The following SF3B4 variants were observed in gnomAD, a reference collection of about 807,000 sequenced individuals.
SF3B4 encodes the protein splicing factor 3b subunit 4.
In SF3B4, 3 loss-of-function variants were observed where a neutral mutation model predicts 34.3. The observed-to-expected ratio is 0.09, with a 90% confidence interval of 0.04 to 0.23. The LOEUF is 0.23. Ranked by LOEUF, SF3B4 falls within the 10% of genes least tolerant of loss-of-function variation. SF3B4 has a pLI of 1.00. For synonymous variants in SF3B4, 216 were observed against 207.8 expected (o/e 1.04, Z -0.34); for missense variants, 283 against 567.2 (o/e 0.50, Z 5.09).
At chr1:149,925,244 T>C (rs782474374) in intron 4 of SF3B4, among the ~76,000 whole-genome samples, 12 of 152,150 alleles carry the variant, frequency 7.9e-5, no homozygotes, top group Admixed American at 1.3e-4. Flanking sequence ...AATGACGCTA[T>C]CTATTAAGCA....
At position 149,926,666 on chromosome 1, in the gene SF3B4, C is replaced by A; in HGVS notation, c.416G>T (p.Gly139Val). 1 of 1,614,150 alleles carries A rather than the reference C, an allele frequency of 6.2e-7. No individual in the cohort carries two copies. The highest frequency in any genetic ancestry group is 8.5e-7 in the Non-Finnish European group (1 of 1,180,000). ...AATAAAGGCATAACCTTTGGAGTTGCCTGTGTCAGGGTCCCGCATAATTTT... is the reference window on the plus strand; with the variant it reads ...AATAAAGGCATAACCTTTGGAGTTGACTGTGTCAGGGTCCCGCATAATTTT... Reference protein sequence around the residue: ...TPKIMRDPDTGNSKGYAFINF... With the variant: ...TPKIMRDPDTVNSKGYAFINF... The change falls in exon 3 of 6, where the codon GGC becomes GTC. Residue 139 changes from glycine (G) to valine (V), a missense_variant. Physicochemically the swap from Gly to Val is moderately radical, Grantham distance 109. This residue lies in a region of SF3B4 where 35 missense variants were observed against 111.9 expected (regional missense o/e 0.31). Coordinates refer to ENST00000271628, the MANE Select transcript of SF3B4 (RefSeq NM_005850.5). The surrounding 1 kb of genome is among the most constrained non-coding windows in gnomAD (Gnocchi z 6.2).
chr1:149,925,487 G>A (rs1353184010), intron 4 of SF3B4, among the ~76,000 whole-genome samples: 1 of 151,858 alleles, frequency 6.6e-6, no homozygotes, highest in African/African-American at 2.4e-5. Context: ...TCAAACAGGA[G>A]GACACAACTA....
chr1:149,926,113 A>G lies in SF3B4; in HGVS notation c.707-71T>C, dbSNP rs1417878248. 2.5e-6 allele frequency: 2 copies of G among 786,576 alleles called. No individual in the cohort carries two copies. The highest frequency in any genetic ancestry group is 4.0e-6 in the Non-Finnish European group (2 of 496,980). 48.7% of individuals were successfully genotyped at this position (786,576 alleles called of 1,614,324 possible). On this transcript the variant is annotated intron_variant, in intron 3 of 5. Coordinates refer to ENST00000271628, the MANE Select transcript of SF3B4 (RefSeq NM_005850.5). This position sits in a 1 kb window ranked among gnomAD's most constrained non-coding sequence, Gnocchi z 6.2. The stretch of plus-strand genomic sequence containing the variant: ...AAATGTCTTTAAAGAGCCTGTCCTG[A>G]TCTGGCCTCTCCAGGCAGGGTGAGC...
chr1:149,925,793 T>C lies in SF3B4; in HGVS notation c.913+43A>G, dbSNP rs587696550. ...GCAGGGTGAGTGGTAACAGAGATGCTCTACCAAGCTCTTCCCTCCCTTTCC... is the reference window on the plus strand; with the variant it reads ...GCAGGGTGAGTGGTAACAGAGATGCCCTACCAAGCTCTTCCCTCCCTTTCC... On this transcript the variant is annotated intron_variant, in intron 4 of 5. Coordinates refer to ENST00000271628, the MANE Select transcript of SF3B4 (RefSeq NM_005850.5). The C allele has an allele frequency of 7.5e-6, 11 of 1,463,524 alleles. 1 individual carries two copies. In the South Asian group the frequency reaches 1.1e-4, roughly 15 times the overall value. The allele number at this position is 1,463,524 out of a possible 1,614,324, so 90.7% of individuals were successfully genotyped here. A position where few individuals can be genotyped will look rare whatever the true frequency, so the allele number is the denominator to read the frequency against.
rs2092587188 is a variant in SF3B4, at chr1:149,925,924, G to A, written c.825C>T (p.Pro275=). The part of the protein sequence containing the change: ...PMPPGAAGHG[P]PSAGTPGAGH... ...CTGCCCCTGGGGTTCCTGCCGATGG[G>A]GGGCCATGTCCTGCAGCCCCAGGAG... is the stretch of plus-strand genomic sequence containing the variant. Residue 275 remains proline (P), a synonymous_variant, in exon 4 of 6, where the codon CCC becomes CCT. Transcript: ENST00000271628. 16 of 1,582,236 alleles carry A rather than the reference G, an allele frequency of 1.0e-5. No homozygotes were observed. Among genetic ancestry groups the A allele is most frequent in the Non-Finnish European group, 1.4e-5 (16 of 1,161,626 alleles).
Position 149,926,094 on chromosome 1 carries a change from CTT to C in SF3B4, c.707-54_707-53del. On this transcript the variant is annotated intron_variant, in intron 3 of 5. Coordinates refer to ENST00000271628, the MANE Select transcript of SF3B4 (RefSeq NM_005850.5). The surrounding 1 kb of genome is among the most constrained non-coding windows in gnomAD (Gnocchi z 6.2). ...GTTAATGGTAGTGAGGAGAAAATGT[CTT>C]TAAAGAGCCTGTCCTGATCTGGCCT... 1.1e-6 allele frequency: 1 copy of C among 917,878 alleles called. No individual in the cohort carries two copies. The highest frequency in any genetic ancestry group is 1.6e-6 in the Non-Finnish European group (1 of 611,792). The allele number at this position is 917,878 out of a possible 1,614,324, so 56.9% of individuals were successfully genotyped here.
At position 149,923,491 on chromosome 1, in the gene SF3B4, G is replaced by A. The variant is rs1427861845; in HGVS notation, c.*51C>T. On this transcript the variant is annotated 3_prime_UTR_variant, in exon 6 of 6. Transcript: ENST00000271628. ...GCTACAGCATCTCTGATTGGTCCAAGGAATAGAAAAGATATTGGGAAAATG... is the reference window on the plus strand; with the variant it reads ...GCTACAGCATCTCTGATTGGTCCAAAGAATAGAAAAGATATTGGGAAAATG... 3.5e-6 allele frequency: 5 copies of A among 1,446,510 alleles called. No individual in the cohort carries two copies. The Admixed American group carries it at 6.9e-5, about 20-fold the overall frequency. The allele number at this position is 1,446,510 out of a possible 1,614,324, so 89.6% of individuals were successfully genotyped here.
At chr1:149,925,191 A>G (rs1294114464) in intron 4 of SF3B4, among the ~76,000 whole-genome samples, 11 of 152,060 alleles carry the variant, frequency 7.2e-5, no homozygotes, top group Admixed American at 2.0e-4. Context: ...CTGAAAAAAA[A>G]GAACACTAGA....
chr1:149,927,555 A>G, intron 1 of SF3B4, 171 bp downstream of exon 1: 1 of 854,544 alleles, frequency 1.2e-6, no homozygotes, highest in East Asian at 2.7e-5. Flanking sequence ...TATCACACCC[A>G]GAGGCCTCAG....
At chr1:149,925,213 T>C (rs759095876) in intron 4 of SF3B4, among the ~76,000 whole-genome samples, 4 of 151,170 alleles carry the variant, frequency 2.6e-5, no homozygotes, top group Admixed American at 2.0e-4. Flanking sequence ...GAAGAATGGA[T>C]TTGAAGGAGA....
Position 149,923,908 on chromosome 1 carries a change from T to C in SF3B4, c.1020A>G (p.Gly340=), listed in dbSNP as rs1204240166. 6.2e-7 allele frequency: 1 copy of C among 1,604,412 alleles called. No homozygotes were observed. Among genetic ancestry groups the C allele is most frequent in the Non-Finnish European group, 8.5e-7 (1 of 1,177,084 alleles). ...TTGGAGGAGGTCCAGGATGAGGCAT[T>C]CCAGGTGGTGGTCGGGGCGGTGGCT... ...GGQPPPRPPP[G]MPHPGPPPMG... The change falls in exon 5 of 6, where the codon GGA becomes GGG. Residue 340 remains glycine, a synonymous_variant. Coordinates refer to ENST00000271628, the MANE Select transcript of SF3B4 (RefSeq NM_005850.5).
rs150625746 is a variant in SF3B4, at chr1:149,927,751, G to C, written c.9C>G (p.Ala3=). Residue 3 remains alanine, a synonymous_variant, in exon 1 of 6, where the codon GCC becomes GCG. Coordinates refer to ENST00000271628, the MANE Select transcript of SF3B4 (RefSeq NM_005850.5). MA[A]GPISERNQDA... is the part of the protein sequence containing the mutation. The stretch of plus-strand genomic sequence containing the variant: ...CCTGATTCCGCTCGGAGATCGGCCC[G>C]GCAGCCATGGCGAAAGAGATCCCGC... 1.1e-4 allele frequency: 165 copies of C among 1,553,280 alleles called. 1 individual carries two copies. The African/African-American group carries it at 2.1e-3, about 20-fold the overall frequency.
chr1:149,925,611 A>C lies in SF3B4; in HGVS notation c.913+225T>G, dbSNP rs2092584836. The C allele has an allele frequency of 5.1e-6, 3 of 586,862 alleles. No homozygotes were observed. The African/African-American group carries it at 5.6e-5, about 11-fold the overall frequency. 36.4% of individuals were successfully genotyped at this position (586,862 alleles called of 1,614,324 possible). A position where few individuals can be genotyped will look rare whatever the true frequency, so the allele number is the denominator to read the frequency against. The stretch of plus-strand genomic sequence containing the variant: ...GAGAAGAGAATGGAACTAAAGATTA[A>C]AGAAATAAAAACTGGCAAGTAGAGT... On this transcript the variant is annotated intron_variant, in intron 4 of 5. Coordinates refer to ENST00000271628, the MANE Select transcript of SF3B4 (RefSeq NM_005850.5).
In SF3B4 at chr1:149,926,010, C is replaced by A. The variant is rs1185409559; in HGVS notation, c.739G>T (p.Val247Leu). 1.3e-6 allele frequency: 2 copies of A among 1,500,436 alleles called. No individual in the cohort carries two copies. The highest frequency in any genetic ancestry group is 1.8e-6 in the Non-Finnish European group (2 of 1,121,714). The allele number at this position is 1,500,436 out of a possible 1,614,324, so 92.9% of individuals were successfully genotyped here. Reference protein sequence around the residue: ...MPPPGSFPPPVPPPGALPPGI... With the variant: ...MPPPGSFPPPLPPPGALPPGI... The stretch of plus-strand genomic sequence containing the variant: ...GGTGGGAGGGCTCCAGGAGGTGGCA[C>A]TGGGGGTGGGAAGGAGCCAGGAGGA... Residue 247 changes from valine (V) to leucine (L), a missense_variant, in exon 4 of 6, where the codon GTG becomes TTG. Transcript: ENST00000271628. This position sits in a 1 kb window ranked among gnomAD's most constrained non-coding sequence, Gnocchi z 6.2.
At chr1:149,927,653 A>C in intron 1 of SF3B4, 73 bp downstream of exon 1, 1 of 1,524,268 alleles carries the variant, frequency 6.6e-7, no homozygotes, top group Non-Finnish European at 8.9e-7. Flanking sequence ...CCACCCCTGC[A>C]GAGACACTGC....
rs2092592242 is a variant in SF3B4 at position 149,926,764 on chromosome 1, G to A, written c.318C>T (p.Asn106=). The A allele has an allele frequency of 1.9e-6, 3 of 1,614,160 alleles. No individual in the cohort carries two copies. Among genetic ancestry groups the A allele is most frequent in the Non-Finnish European group, 8.5e-7 (1 of 1,180,032 alleles). ...ACTTCTCATCAATCTCAGGGTCCAG[G>A]TTCCCAATGAAAATGTTGGCCCCTA... is the stretch of plus-strand genomic sequence containing the variant. ...LDVGANIFIG[N]LDPEIDEKLL... The change falls in exon 3 of 6, where the codon AAC becomes AAT. Residue 106 remains asparagine, a synonymous_variant. Transcript: ENST00000271628. The surrounding 1 kb of genome is among the most constrained non-coding windows in gnomAD (Gnocchi z 6.2).
At position 149,926,098 on chromosome 1, in the gene SF3B4, A is replaced by G; in HGVS notation, c.707-56T>C. ...ATGGTAGTGAGGAGAAAATGTCTTT[A>G]AAGAGCCTGTCCTGATCTGGCCTCT... On this transcript the variant is annotated intron_variant, in intron 3 of 5. Coordinates refer to ENST00000271628, the MANE Select transcript of SF3B4 (RefSeq NM_005850.5). This position sits in a 1 kb window ranked among gnomAD's most constrained non-coding sequence, Gnocchi z 6.2. The G allele has an allele frequency of 2.2e-6, 2 of 899,366 alleles. No individual in the cohort carries two copies. The highest frequency in any genetic ancestry group is 3.4e-6 in the Non-Finnish European group (2 of 596,070). The allele number at this position is 899,366 out of a possible 1,614,324, so 55.7% of individuals were successfully genotyped here. A position where few individuals can be genotyped will look rare whatever the true frequency, so the allele number is the denominator to read the frequency against.
At position 149,926,935 on chromosome 1, in the gene SF3B4, G is replaced by A. The variant is rs201974529; in HGVS notation, c.164-17C>T. 3.9e-5 allele frequency: 61 copies of A among 1,583,648 alleles called. 1 individual carries two copies. In the East Asian group the frequency reaches 8.5e-4, roughly 22 times the overall value. On this transcript the variant is annotated splice_polypyrimidine_tract_variant and intron_variant, in intron 2 of 5. Coordinates refer to ENST00000271628, the MANE Select transcript of SF3B4 (RefSeq NM_005850.5). The surrounding 1 kb of genome is among the most constrained non-coding windows in gnomAD (Gnocchi z 6.2). ...AGCCATAGCCTGGAAAAGTGGAGAA[G>A]AGGAGGTTAACAACGTAAGTAAAGA...
intron 1 of SF3B4, 148 bp from the exon 2 acceptor site, chr1:149,927,442 C>T: frequency 1.1e-6 from 1 of 903,036 alleles, no homozygotes; most frequent in Non-Finnish European, 1.7e-6. Context: ...CCTTAAACTT[C>T]TCTCTTCCCA....
Sources: gnomAD v4.1 joint callset for allele counts (sites outside exome capture counted in the v4.1 genomes callset) on GRCh38, gnomAD v4.1.1 for gene constraint, gnomAD v4.1.1 regional missense constraint, Gnocchi (gnomAD v3.1) non-coding constraint, MANE v1.5 for transcripts, NCBI Gene and HGNC (gene_info 2026-07-23, HGNC 2026-07-21) for gene names.